Variants in PDS5B observed in about 807,000 individuals in gnomAD.
PDS5B encodes sister chromatid cohesion protein PDS5 homolog B.
PDS5B carries 51 observed loss-of-function variants against 184.1 expected under a neutral mutation model. The observed-to-expected ratio is 0.28, with a 90% CI of 0.22 to 0.35. The LOEUF (loss-of-function observed/expected upper bound fraction) is 0.35, where lower values mean the gene tolerates loss of function less well. Ranked by LOEUF, PDS5B falls within the 10% of genes least tolerant of loss-of-function variation. The pLI is 1.00. For synonymous variants in PDS5B, 566 were observed against 569.2 expected, an observed-to-expected ratio of 0.99 and a Z score of 0.08; for missense variants, 1,180 against 1,723.3, an observed-to-expected ratio of 0.68 and a Z score of 5.58.
At chr13:32,600,549 T>G (rs1263453479) in intron 1 of PDS5B, among the ~76,000 whole-genome samples, 3 of 152,172 alleles carry the variant, frequency 2.0e-5, no homozygotes, top group African/African-American at 7.2e-5. Flanking sequence ...GAGACCAGCC[T>G]GGCCAACATG....
chr13:32,770,341 A>T lies in PDS5B; in HGVS notation c.3845A>T (p.Asn1282Ile). 1 of 1,613,824 alleles carries T rather than the reference A, an allele frequency of 6.2e-7. No homozygotes were observed. Among genetic ancestry groups the T allele is most frequent in the Non-Finnish European group, 8.5e-7 (1 of 1,179,904 alleles). Residue 1282 changes from asparagine (N) to isoleucine (I), a missense_variant, in exon 32 of 35, where the codon AAT becomes ATT. Physicochemically the swap from Asn to Ile is moderately radical, Grantham distance 149 (BLOSUM62 -3). Around this residue, in one of 11 missense-constraint regions of PDS5B, gnomAD observed 465 missense variants for 497.8 expected, o/e 0.93. Coordinates refer to ENST00000315596, the MANE Select transcript of PDS5B (RefSeq NM_015032.4). ...EDILENEDEQ[N>I]SPPKKGKRGR... ...ATATTAGAAAATGAAGATGAACAGA[A>T]TAGTCCGCCAAAAAAGGGTAAAAGA...
intron 15 of PDS5B, among the ~76,000 whole-genome samples, chr13:32,698,405 G>A (rs9596081): frequency 0.37 from 56,272 of 151,912 alleles, 11,033 homozygotes; most frequent in Non-Finnish European, 0.44. Context: ...CACAGATTGC[G>A]AAGTGCTGCA....
At chr13:32,627,686 A>G (rs2058391332) in intron 1 of PDS5B, among the ~76,000 whole-genome samples, 1 of 152,204 alleles carries the variant, frequency 6.6e-6, no homozygotes, top group Admixed American at 6.5e-5. Context: ...ATTATATAAT[A>G]TTGTTGGAGT....
At chr13:32,738,931 C>T (rs1953439362) in intron 21 of PDS5B, among the ~76,000 whole-genome samples, 1 of 152,148 alleles carries the variant, frequency 6.6e-6, no homozygotes, top group Non-Finnish European at 1.5e-5. Context: ...TTCAGCCTCC[C>T]AAAGTGCTGG....
At chr13:32,594,928 G>A (rs1477316629) in intron 1 of PDS5B, among the ~76,000 whole-genome samples, 1 of 152,082 alleles carries the variant, frequency 6.6e-6, no homozygotes, top group Non-Finnish European at 1.5e-5. Context: ...TTTCATCCCT[G>A]TTAATTGGTC....
At chr13:32,708,252 C>T (rs1163380226) in intron 18 of PDS5B, among the ~76,000 whole-genome samples, 3 of 152,200 alleles carry the variant, frequency 2.0e-5, no homozygotes, top group Non-Finnish European at 4.4e-5. Context: ...TTCAGTAAAG[C>T]TATTTTCTTC....
Position 32,688,559 on chromosome 13 carries a change from A to C in PDS5B, c.1459A>C (p.Asn487His). 6.5e-7 allele frequency: 1 copy of C among 1,546,080 alleles called. No homozygotes were observed. Among genetic ancestry groups the C allele is most frequent in the Non-Finnish European group, 8.9e-7 (1 of 1,118,356 alleles). ...TTACTTGTATGCCACACTGGATTTAAATGCTGTGAAGTATGTTTCAAATAT... is the reference window on the plus strand; with the variant it reads ...TTACTTGTATGCCACACTGGATTTACATGCTGTGAAGTATGTTTCAAATAT... ...LYYLYATLDL[N>H]AVKALNEMWK... Residue 487 changes from asparagine (N) to histidine (H), a missense_variant, in exon 13 of 35, where the codon AAT becomes CAT. By Grantham distance (68) the Asn-to-His change is moderately conservative. Transcript: ENST00000315596.
chr13:32,744,911 G>C (rs1369230420), intron 23 of PDS5B, among the ~76,000 whole-genome samples: 1 of 152,040 alleles, frequency 6.6e-6, no homozygotes, highest in Non-Finnish European at 1.5e-5. Context: ...ACATAGATTT[G>C]TTGCATGGAT....
chr13:32,756,920 C>T (rs1409062448), intron 26 of PDS5B, among the ~76,000 whole-genome samples: 2 of 151,750 alleles, frequency 1.3e-5, no homozygotes, highest in African/African-American at 4.8e-5. Flanking sequence ...GTCAGGAGTT[C>T]CAGAACAGCC....
chr13:32,694,641 T>C (rs1951651410), intron 14 of PDS5B, among the ~76,000 whole-genome samples: 1 of 151,842 alleles, frequency 6.6e-6, no homozygotes, highest in East Asian at 1.9e-4. Context: ...GTTGCCACTC[T>C]AAGATGTTCC....
At chr13:32,629,879 A>G (rs550132825) in intron 1 of PDS5B, among the ~76,000 whole-genome samples, 4 of 152,328 alleles carry the variant, frequency 2.6e-5, no homozygotes, top group African/African-American at 9.6e-5. Flanking sequence ...TATGGATGAT[A>G]ATAAAATCAG....
intron 19 of PDS5B, among the ~76,000 whole-genome samples, chr13:32,717,687 TA>T (rs1293060097): frequency 0.053 from 3,080 of 58,660 alleles, 67 homozygotes; most frequent in African/African-American, 0.13. Context: ...GAATGATCAA[TA>T]AAAAAAAAAA....
At position 32,620,348 on chromosome 13, in the gene PDS5B, G is replaced by A. The variant is rs575345885; in HGVS notation, c.-19-28406G>A. 3.3e-5 allele frequency among the ~76,000 whole-genome samples: 5 copies of A among 152,208 alleles called. No individual in the cohort carries two copies. In the East Asian group the frequency reaches 9.7e-4, roughly 29 times the overall value. ...TTCTTTTCTTAGTATGCTGGCCAGG[G>A]TCCTTTGGTAACTGTTAAAAAGTGG... On this transcript the variant is annotated intron_variant, in intron 1 of 34. Transcript: ENST00000315596.
intron 1 of PDS5B, among the ~76,000 whole-genome samples, chr13:32,645,540 A>G (rs933417311): frequency 2.0e-5 from 3 of 152,176 alleles, no homozygotes; most frequent in African/African-American, 7.2e-5. Context: ...AATAAGATGT[A>G]GTTTCTCAGC....
intron 17 of PDS5B, among the ~76,000 whole-genome samples, chr13:32,704,925 G>A (rs1020083226): frequency 2.0e-5 from 3 of 152,072 alleles, no homozygotes; most frequent in Non-Finnish European, 4.4e-5. Flanking sequence ...ACAGAAAAGT[G>A]CTATTGATTT....
intron 1 of PDS5B, among the ~76,000 whole-genome samples, chr13:32,636,700 G>C (rs950088840): frequency 6.6e-6 from 1 of 152,174 alleles, no homozygotes; most frequent in African/African-American, 2.4e-5. Context: ...TTATGCATTA[G>C]GTATGTAGCA....
At chr13:32,596,079 G>T (rs1385854928) in intron 1 of PDS5B, among the ~76,000 whole-genome samples, 1 of 152,142 alleles carries the variant, frequency 6.6e-6, no homozygotes, top group Non-Finnish European at 1.5e-5. Context: ...TTATTGAGGT[G>T]TAATTAAAAT....
chr13:32,670,095 C>A (rs1449443742), intron 7 of PDS5B, among the ~76,000 whole-genome samples: 1 of 151,758 alleles, frequency 6.6e-6, no homozygotes, highest in Non-Finnish European at 1.5e-5. Flanking sequence ...CTTCTCTCTT[C>A]TGTTTTTCTT....
chr13:32,760,141 G>C (rs1416503838), intron 29 of PDS5B, among the ~76,000 whole-genome samples: 5 of 152,114 alleles, frequency 3.3e-5, no homozygotes, highest in African/African-American at 1.2e-4. Flanking sequence ...ATTTTTAGTA[G>C]AGACGGGGTT....
Sources: gnomAD v4.1 joint callset for allele counts (sites outside exome capture counted in the v4.1 genomes callset) on GRCh38, gnomAD v4.1.1 for gene constraint, gnomAD v4.1.1 regional missense constraint, MANE v1.5 for transcripts, NCBI Gene and HGNC (gene_info 2026-07-23, HGNC 2026-07-21) for gene names.